EYS: variants seen among roughly 807,000 people sequenced by gnomAD.
EYS encodes the protein protein eyes shut homolog.
A neutral mutation model predicts 282.1 loss-of-function variants in EYS; 250 were observed. That is an observed-to-expected ratio of 0.89 (90% CI 0.80 to 0.98). The LOEUF (loss-of-function observed/expected upper bound fraction) is 0.98. EYS is among the 50% of genes least tolerant of loss of function. The pLI is 0.00. For synonymous variants in EYS, 1,355 were observed against 1,282.9 expected, an observed-to-expected ratio of 1.06 and a Z score of -1.20; for missense variants, 4,016 against 3,709.0, an observed-to-expected ratio of 1.08 and a Z score of -2.15.
intron 7 of EYS, among the ~76,000 whole-genome samples, chr6:65,387,339 T>C (rs1206628589): frequency 6.6e-6 from 1 of 151,914 alleles, no homozygotes; most frequent in African/African-American, 2.4e-5. Context: ...TTTTATGTAA[T>C]ACAGAACTAC....
intron 18 of EYS, among the ~76,000 whole-genome samples, chr6:64,888,638 A>G (rs1027092925): frequency 5.3e-5 from 8 of 151,978 alleles, no homozygotes; most frequent in African/African-American, 1.7e-4. Flanking sequence ...TTGGAGTAAC[A>G]CTAATCCAAA....
Position 65,235,185 on chromosome 6 carries a change from C to T in EYS, c.2023+60678G>A, listed in dbSNP as rs545166663. On this transcript the variant is annotated intron_variant, in intron 12 of 42. Coordinates refer to ENST00000503581, the MANE Select transcript of EYS (RefSeq NM_001142800.2). ...ATTGGTGGAGAATTTTGTAGTTGTG[C>T]TATTACAGAGGATGTCAAGATTTCA... 1.7e-4 allele frequency among the ~76,000 whole-genome samples: 26 copies of T among 152,242 alleles called. No homozygotes were observed. In the East Asian group the frequency reaches 3.3e-3, roughly 19 times the overall value.
intron 2 of EYS, among the ~76,000 whole-genome samples, chr6:65,611,046 C>A (rs1248674565): frequency 6.6e-6 from 1 of 151,776 alleles, no homozygotes; most frequent in African/African-American, 2.4e-5. Flanking sequence ...GCCTGTTGAC[C>A]CAAAGGGCAC....
chr6:64,108,946 A>C (rs1338849588), intron 31 of EYS, among the ~76,000 whole-genome samples: 1 of 152,112 alleles, frequency 6.6e-6, no homozygotes, highest in East Asian at 1.9e-4. Flanking sequence ...CCTTTTACAA[A>C]GGAGAAATCA....
chr6:65,291,673 A>T (rs1768530527), intron 12 of EYS, among the ~76,000 whole-genome samples: 1 of 151,584 alleles, frequency 6.6e-6, no homozygotes, highest in African/African-American at 2.4e-5. Flanking sequence ...ATCTCTGGGA[A>T]TTTAGGGATG....
At chr6:64,552,580 G>A (rs1222662979) in intron 26 of EYS, among the ~76,000 whole-genome samples, 2 of 152,086 alleles carry the variant, frequency 1.3e-5, no homozygotes, top group African/African-American at 4.8e-5. Context: ...GTTGATTCCT[G>A]ATCTTTAGAT....
chr6:64,571,428 GA>G (rs1391548861), intron 26 of EYS, among the ~76,000 whole-genome samples: 1 of 152,114 alleles, frequency 6.6e-6, no homozygotes, highest in Non-Finnish European at 1.5e-5. Flanking sequence ...ACTAAGATCA[GA>G]GCAGAACTGA....
At chr6:65,380,068 C>T (rs1562137209) in intron 8 of EYS, among the ~76,000 whole-genome samples, 1 of 151,992 alleles carries the variant, frequency 6.6e-6, no homozygotes, top group Non-Finnish European at 1.5e-5. Flanking sequence ...AGATTCAATG[C>T]TATTCCCATC....
chr6:64,032,875 G>A (rs115196121), intron 33 of EYS, among the ~76,000 whole-genome samples: 186 of 152,278 alleles, frequency 1.2e-3, no homozygotes, highest in African/African-American at 3.4e-3. Context: ...GACATTCTCT[G>A]AACTGCATTG....
At chr6:64,718,849 G>A (rs79222582) in intron 22 of EYS, among the ~76,000 whole-genome samples, 2 of 152,170 alleles carry the variant, frequency 1.3e-5, no homozygotes, top group African/African-American at 4.8e-5. Flanking sequence ...ATAGCTCCCT[G>A]AAGGTATCCA....
At chr6:65,106,860 G>T (rs1279658660) in intron 12 of EYS, among the ~76,000 whole-genome samples, 1 of 151,994 alleles carries the variant, frequency 6.6e-6, no homozygotes, top group African/African-American at 2.4e-5. Flanking sequence ...ACTGTGAAGG[G>T]TTTGAAATGT....
At chr6:65,046,724 A>G (rs1773113950) in intron 13 of EYS, among the ~76,000 whole-genome samples, 1 of 151,924 alleles carries the variant, frequency 6.6e-6, no homozygotes, top group African/African-American at 2.4e-5. Context: ...GAAAATGTAT[A>G]TTCATTTAAA....
intron 24 of EYS, among the ~76,000 whole-genome samples, chr6:64,616,300 A>C (rs1767273439): frequency 6.6e-6 from 1 of 152,160 alleles, no homozygotes; most frequent in African/African-American, 2.4e-5. Flanking sequence ...CTTCCAATTT[A>C]AGTATCAGAG....
chr6:63,786,705 AAAG>A (rs1011785689), intron 39 of EYS, among the ~76,000 whole-genome samples: 15 of 152,114 alleles, frequency 9.9e-5, no homozygotes, highest in East Asian at 1.9e-4. Context: ...TTAAAAAAAA[AAAG>A]AGATAATTTA....
In EYS at chr6:63,878,915, T is replaced by C. The variant is rs370412875; in HGVS notation, c.7056-14557A>G. Among the ~76,000 whole-genome samples the C allele has an allele frequency of 3.9e-5, 6 of 152,338 alleles. No individual in the cohort carries two copies. The South Asian group carries it at 6.2e-4, about 16-fold the overall frequency. On this transcript the variant is annotated intron_variant, in intron 35 of 42. Coordinates refer to ENST00000503581, the MANE Select transcript of EYS (RefSeq NM_001142800.2). ...CTAGGAAAGGGAATTCCCCGACTCC[T>C]TATGCTTCCTGGGTGAGACGATGCC...
At chr6:64,601,527 T>A (rs1174116394) in intron 24 of EYS, among the ~76,000 whole-genome samples, 1 of 152,090 alleles carries the variant, frequency 6.6e-6, no homozygotes, top group Non-Finnish European at 1.5e-5. Flanking sequence ...TTTTCTTTCA[T>A]AACACATTTC....
chr6:63,830,810 CAGAG>C (rs2149691077), intron 36 of EYS, among the ~76,000 whole-genome samples: 1 of 152,272 alleles, frequency 6.6e-6, no homozygotes, highest in African/African-American at 2.4e-5. Flanking sequence ...TAAGGGCAGC[CAGAG>C]AGAAAGGTCA....
At chr6:63,891,130 C>A (rs888180938) in intron 35 of EYS, among the ~76,000 whole-genome samples, 1 of 152,134 alleles carries the variant, frequency 6.6e-6, no homozygotes, top group Non-Finnish European at 1.5e-5. Flanking sequence ...CAGGACCAGA[C>A]AAATTCACGG....
intron 19 of EYS, among the ~76,000 whole-genome samples, chr6:64,840,976 CA>C (rs1765546386): frequency 6.6e-6 from 1 of 152,072 alleles, no homozygotes; most frequent in Non-Finnish European, 1.5e-5. Context: ...TTGTATTAGA[CA>C]GCATTGATTA....
Sources: allele counts gnomAD v4.1 joint callset (sites outside exome capture counted in the v4.1 genomes callset), GRCh38; gene constraint gnomAD v4.1.1; transcripts MANE v1.5; gene names NCBI Gene and HGNC (gene_info 2026-07-23, HGNC 2026-07-21).